Variants in PZP observed in about 807,000 individuals in gnomAD.
PZP encodes PZP alpha-2-macroglobulin like, also known as pregnancy zone protein.
A neutral mutation model predicts 179.8 loss-of-function variants in PZP; 150 were observed. The ratio of observed to expected loss-of-function variants is 0.83; its 90% CI spans 0.73 to 0.96. The LOEUF (loss-of-function observed/expected upper bound fraction) is 0.96. PZP is among the 40% of genes least tolerant of loss of function. The pLI is 0.00. For missense variants in PZP, 1,689 were observed against 1,764.0 expected (o/e 0.96, Z 0.76); for synonymous variants, 624 against 652.3 (o/e 0.96, Z 0.66).
rs1940486588 is a variant in PZP, at chr12:9,153,119, C to T, written c.3993+6G>A. The T allele has an allele frequency of 1.7e-5, 28 of 1,613,544 alleles. No individual in the cohort carries two copies. The highest frequency in any genetic ancestry group is 2.4e-5 in the Non-Finnish European group (28 of 1,179,624). ...GACTCTCACCCATATAAGCTTGGAG[C>T]CCTACCTGAAGATACACACATCTTT... is the stretch of plus-strand genomic sequence containing the variant. On this transcript the variant is annotated splice_donor_region_variant and intron_variant, in intron 30 of 35. Transcript: ENST00000261336.
intron 15 of PZP, among the ~76,000 whole-genome samples, chr12:9,172,245 C>T (rs768447743): frequency 7.3e-4 from 111 of 152,270 alleles, no homozygotes; most frequent in African/African-American, 2.6e-3. Context: ...CCAAACTAAG[C>T]TTCAAAAGCA....
In PZP at chr12:9,196,595, C is replaced by T. The variant is rs1229365168; in HGVS notation, c.958G>A (p.Ala320Thr). 2 of 1,611,812 alleles carry T rather than the reference C, an allele frequency of 1.2e-6. No homozygotes were observed. Among genetic ancestry groups the T allele is most frequent in the Non-Finnish European group, 1.7e-6 (2 of 1,178,072 alleles). ...CCTGTCCCCTCTTCTCTGATCCTGG[C>T]TTCCACTCTAAGCTTCATTTCAAAG... ...TGFEMKLRVE[A>T]RIREEGTDLE... The change falls in exon 9 of 36, where the codon GCC (alanine) becomes ACC (threonine). Residue 320 changes from alanine to threonine, a missense_variant. By Grantham distance (58) the Ala-to-Thr change is moderately conservative (BLOSUM62 0). Transcript: ENST00000261336.
intron 22 of PZP, 111 bp from the exon 23 acceptor site, chr12:9,161,227 G>A: frequency 1.1e-6 from 1 of 872,176 alleles, no homozygotes. Context: ...TATGGTACTG[G>A]CCCTGCTTTG....
In PZP at chr12:9,197,131, A is replaced by G. The variant is rs1943824204; in HGVS notation, c.756-8T>C. 1 of 1,567,228 alleles carries G rather than the reference A, an allele frequency of 6.4e-7. No individual in the cohort carries two copies. The highest frequency in any genetic ancestry group is 1.4e-5 in the African/African-American group (1 of 73,688). ...GGCTTCCCATAAGTGTATCTGGTAC[A>G]TGAGAAATAAATCAGGAATTGAGAA... On this transcript the variant is annotated splice_polypyrimidine_tract_variant and splice_region_variant and intron_variant, in intron 7 of 35. Coordinates refer to ENST00000261336, the MANE Select transcript of PZP (RefSeq NM_002864.3).
intron 15 of PZP, among the ~76,000 whole-genome samples, chr12:9,178,267 T>G (rs968186786): frequency 6.6e-6 from 1 of 152,238 alleles, no homozygotes; most frequent in Admixed American, 6.5e-5. Flanking sequence ...TCTCACACTT[T>G]CCTGCTTCAT....
At chr12:9,201,441 T>G in intron 4 of PZP, 94 bp from the exon 5 acceptor site, 2 of 942,742 alleles carry the variant, frequency 2.1e-6, no homozygotes, top group South Asian at 1.6e-5. Context: ...AGGAAGAATA[T>G]TATCTGTAGC....
intron 13 of PZP, among the ~76,000 whole-genome samples, chr12:9,189,688 A>C (rs1943343142): frequency 1.3e-5 from 2 of 152,342 alleles, no homozygotes; most frequent in Admixed American, 1.3e-4. Context: ...AGAAACTATC[A>C]ATAGAGTAAA....
chr12:9,149,069 T>C, intron 35 of PZP, 75 bp from the exon 36 acceptor site: 1 of 1,356,190 alleles, frequency 7.4e-7, no homozygotes, highest in Non-Finnish European at 1.1e-6. Flanking sequence ...GGCAGCAGAG[T>C]GAGCTTATGC....
chr12:9,150,274 T>G (rs1940253939), intron 34 of PZP, among the ~76,000 whole-genome samples: 2 of 152,228 alleles, frequency 1.3e-5, no homozygotes, highest in South Asian at 4.1e-4. Context: ...GTTTTTGTTT[T>G]GTTTTGTGTT....
At chr12:9,188,178 G>A (rs747556379) in intron 13 of PZP, among the ~76,000 whole-genome samples, 12 of 152,182 alleles carry the variant, frequency 7.9e-5, no homozygotes, top group South Asian at 2.1e-4. Flanking sequence ...TAGCTACCGC[G>A]ATCAAGTAGA....
At chr12:9,149,479 C>G in intron 35 of PZP, 82 bp downstream of exon 35, 1 of 1,377,800 alleles carries the variant, frequency 7.3e-7, no homozygotes, top group Non-Finnish European at 1.0e-6. Context: ...TAGGAAAAGC[C>G]TTGTAGAGAA....
rs148194741 is a variant in PZP, at chr12:9,192,609, C to T, written c.1385G>A (p.Gly462Asp). 2 of 1,614,176 alleles carry T rather than the reference C, an allele frequency of 1.2e-6. No individual in the cohort carries two copies. Among genetic ancestry groups the T allele is most frequent in the African/African-American group, 1.3e-5 (1 of 75,042 alleles). Residue 462 changes from glycine (G) to aspartate (D), a missense_variant, in exon 12 of 36, where the codon GGT (glycine) becomes GAT (aspartate). Around this residue, in one of 3 missense-constraint regions of PZP, gnomAD observed 742 missense variants for 730.5 expected, o/e 1.02. Coordinates refer to ENST00000261336, the MANE Select transcript of PZP (RefSeq NM_002864.3). ...CTCCGTGTGGCCACAGGGCAGGGTA[C>T]CAGCCACAGGCTCCAGGTGAATGTA... ...GSYIHLEPVAGTLPCGHTETI... is the reference protein window; with the variant it reads ...GSYIHLEPVADTLPCGHTETI...
At chr12:9,176,855 G>C (rs1942399596) in intron 15 of PZP, among the ~76,000 whole-genome samples, 1 of 152,202 alleles carries the variant, frequency 6.6e-6, no homozygotes, top group African/African-American at 2.4e-5. Flanking sequence ...GTACACTTTA[G>C]TTCAATGTCT....
intron 35 of PZP, 130 bp from the exon 36 acceptor site, chr12:9,149,124 G>T: frequency 1.3e-6 from 1 of 783,262 alleles, no homozygotes; most frequent in Non-Finnish European, 2.2e-6. Flanking sequence ...ATTATTTTAG[G>T]TTTATATGCC....
chr12:9,192,877 A>T (rs940512049), intron 11 of PZP, 138 bp from the exon 12 acceptor site: 2 of 561,094 alleles, frequency 3.6e-6, no homozygotes, highest in African/African-American at 3.7e-5. Context: ...CGACAGCCAA[A>T]TAAATGAATT....
chr12:9,157,220 T>C lies in PZP; in HGVS notation c.3505A>G (p.Asn1169Asp). The change falls in exon 28 of 36, where the codon AAT becomes GAT. Residue 1169 changes from asparagine to aspartate, a missense_variant. Asn to Asp is a conservative substitution (Grantham distance 23, BLOSUM62 1). Around this residue, in one of 3 missense-constraint regions of PZP, gnomAD observed 746 missense variants for 749.2 expected, o/e 1.00. Transcript: ENST00000261336. ...AFSLLGKQNQNREILNSLDKE... is the reference protein window; with the variant it reads ...AFSLLGKQNQDREILNSLDKE... The stretch of plus-strand genomic sequence containing the variant: ...TCAAGTGAGTTCAGTATTTCTCTAT[T>C]CTGATTTTGCTTTCCCAGTAGGGAA... The C allele has an allele frequency of 6.2e-7, 1 of 1,614,154 alleles. No homozygotes were observed. Among genetic ancestry groups the C allele is most frequent in the Non-Finnish European group, 8.5e-7 (1 of 1,180,004 alleles).
At chr12:9,168,377 T>A (rs1941739402) in intron 17 of PZP, 1 of 152,474 alleles carries the variant, frequency 6.6e-6, no homozygotes, top group South Asian at 2.1e-4. Context: ...CAAGTGTAAG[T>A]AGACCTGGTG....
At chr12:9,192,012 C>T (rs1014962308) in intron 13 of PZP, among the ~76,000 whole-genome samples, 181 bp downstream of exon 13, 1 of 152,146 alleles carries the variant, frequency 6.6e-6, no homozygotes, top group African/African-American at 2.4e-5. Context: ...AGTAGACAAT[C>T]ACATTTATCT....
At chr12:9,153,091 G>A in intron 30 of PZP, 34 bp downstream of exon 30, 1 of 1,610,356 alleles carries the variant, frequency 6.2e-7, no homozygotes, top group Non-Finnish European at 8.5e-7. Flanking sequence ...CAAGTTTAAA[G>A]TTGACTCTCA....
Sources: allele counts gnomAD v4.1 joint callset (sites outside exome capture counted in the v4.1 genomes callset), GRCh38; gene constraint gnomAD v4.1.1; regional missense constraint gnomAD v4.1.1; transcripts MANE v1.5; gene names NCBI Gene and HGNC (gene_info 2026-07-23, HGNC 2026-07-21).